DZIP1L: variants seen among roughly 807,000 people sequenced by gnomAD.
DZIP1L encodes cilium assembly protein DZIP1L.
In DZIP1L, 90 loss-of-function variants were observed where a neutral mutation model predicts 88.7. That is an observed-to-expected ratio of 1.02 (90% confidence interval 0.86 to 1.21). The LOEUF is 1.21. DZIP1L is among the 50% of genes most tolerant of loss of function. The pLI is 0.00. For synonymous variants in DZIP1L, 363 were observed against 372.1 expected (o/e 0.98, Z 0.28); for missense variants, 932 against 955.8 (o/e 0.98, Z 0.33).
chr3:138,071,842 G>A lies in DZIP1L; in HGVS notation c.1423-7C>T, dbSNP rs1943195414. 8 of 1,608,578 alleles carry A rather than the reference G, an allele frequency of 5.0e-6. No individual in the cohort carries two copies. Among genetic ancestry groups the A allele is most frequent in the South Asian group, 2.2e-5 (2 of 90,508 alleles). On this transcript the variant is annotated splice_region_variant and splice_polypyrimidine_tract_variant and intron_variant, in intron 11 of 15. Transcript: ENST00000327532. ...TCGAGATTCCCTTTGCATCCTAGAG[G>A]AGACAGGAGTTCACCTTTACAGAGA...
chr3:138,108,927 GT>G (rs2042568906), intron 1 of DZIP1L, among the ~76,000 whole-genome samples: 1 of 152,198 alleles, frequency 6.6e-6, no homozygotes, highest in South Asian at 2.1e-4. Flanking sequence ...CTGGGAATTT[GT>G]TAGAAATGCA....
At chr3:138,101,309 T>C (rs2042302504) in intron 2 of DZIP1L, among the ~76,000 whole-genome samples, 1 of 150,674 alleles carries the variant, frequency 6.6e-6, no homozygotes, top group Non-Finnish European at 1.5e-5. Flanking sequence ...GCTGGAGGCA[T>C]GGGCAAGGGG....
intron 8 of DZIP1L, 28 bp downstream of exon 8, chr3:138,084,079 ACCAAGG>A: frequency 1.9e-6 from 3 of 1,608,870 alleles, no homozygotes; most frequent in Non-Finnish European, 2.5e-6. Flanking sequence ...GCCCAGGGAC[ACCAAGG>A]CCTGGCTGAA....
intron 8 of DZIP1L, among the ~76,000 whole-genome samples, chr3:138,082,788 G>A (rs758826564): frequency 2.0e-4 from 31 of 152,212 alleles, no homozygotes; most frequent in Non-Finnish European, 3.8e-4. Flanking sequence ...TTTTGCAGCT[G>A]TAGTTTCCCA....
In DZIP1L at chr3:138,103,687, C is replaced by T. The variant is rs762712113; in HGVS notation, c.285G>A (p.Glu95=). The stretch of plus-strand genomic sequence containing the variant: ...GGCAATCCTGGCAGTGCAGCAGGTA[C>T]TCAATGATGAGCTGCGCCAGGCGCA... ...KVLRLAQLII[E]YLLHCQDCLS... is the part of the protein sequence containing the mutation. Residue 95 remains glutamate (E), a synonymous_variant, in exon 2 of 16, where the codon GAG becomes GAA. Transcript: ENST00000327532. 6 of 1,611,676 alleles carry T rather than the reference C, an allele frequency of 3.7e-6. No homozygotes were observed. The highest frequency in any genetic ancestry group is 1.7e-5 in the Admixed American group (1 of 59,960).
chr3:138,092,344 C>T, intron 5 of DZIP1L, 39 bp downstream of exon 5: 1 of 1,488,192 alleles, frequency 6.7e-7, no homozygotes, highest in Non-Finnish European at 8.9e-7. Flanking sequence ...AAGCAGATTT[C>T]CAACAAAGAA....
chr3:138,101,926 G>T (rs1241320413), intron 2 of DZIP1L: 2 of 1,466,512 alleles, frequency 1.4e-6, no homozygotes, highest in Non-Finnish European at 9.5e-7. Context: ...CTCGGCATCT[G>T]CGATGCCCTC....
At chr3:138,086,072 C>A (rs868329746) in intron 7 of DZIP1L, among the ~76,000 whole-genome samples, 37 of 149,050 alleles carry the variant, frequency 2.5e-4, no homozygotes, top group African/African-American at 8.3e-4. Flanking sequence ...ACACATGGAC[C>A]CAGGAAGGGG....
chr3:138,104,001 G>A lies in DZIP1L; in HGVS notation c.-30C>T. ...AGAGGAAGCCCTGAGCTGACCACCA[G>A]AGGAGGGGGGCACCAAGGCCACGGC... is the stretch of plus-strand genomic sequence containing the variant. On this transcript the variant is annotated 5_prime_UTR_variant, in exon 2 of 16. Transcript: ENST00000327532. The A allele has an allele frequency of 6.3e-7, 1 of 1,583,624 alleles. No individual in the cohort carries two copies. The highest frequency in any genetic ancestry group is 2.2e-5 in the East Asian group (1 of 44,704).
chr3:138,089,618 A>G (rs996432), intron 5 of DZIP1L, among the ~76,000 whole-genome samples: 96,490 of 152,060 alleles, frequency 0.63, 31,307 homozygotes, highest in Non-Finnish European at 0.7. Flanking sequence ...GAAAATGGAC[A>G]TCTTACAGTG....
At chr3:138,084,289 T>G (rs774071212) in intron 7 of DZIP1L, 36 bp from the exon 8 acceptor site, 2 of 1,604,352 alleles carry the variant, frequency 1.2e-6, no homozygotes, top group African/African-American at 1.3e-5. Context: ...GTCAAATGTC[T>G]GCAGGGACAT....
intron 1 of DZIP1L, among the ~76,000 whole-genome samples, chr3:138,107,486 A>G (rs960296058): frequency 1.3e-5 from 2 of 152,190 alleles, no homozygotes; most frequent in African/African-American, 4.8e-5. Context: ...TGTGAGAAAT[A>G]CATTTCTTTT....
rs192235871 is a variant in DZIP1L at position 138,085,487 on chromosome 3, C to A, written c.1063-1234G>T. On this transcript the variant is annotated intron_variant, in intron 7 of 15. Transcript: ENST00000327532. ...TTCTCAAAAGAAGACATTTATGCAA[C>A]CAACAGACACATGAAAAAATGCTCA... Among the ~76,000 whole-genome samples, 90 of 152,286 alleles carry A rather than the reference C, an allele frequency of 5.9e-4. 1 individual carries two copies. The Middle Eastern group carries it at 0.01, about 17-fold the overall frequency.
chr3:138,067,330 T>C (rs1279228140), intron 14 of DZIP1L, among the ~76,000 whole-genome samples: 1 of 152,226 alleles, frequency 6.6e-6, no homozygotes, highest in Non-Finnish European at 1.5e-5. Context: ...AAACTCTAGC[T>C]TTCTCCTGAT....
At chr3:138,084,339 A>G in intron 7 of DZIP1L, 86 bp from the exon 8 acceptor site, 1 of 1,507,112 alleles carries the variant, frequency 6.6e-7, no homozygotes, top group Non-Finnish European at 8.9e-7. Context: ...CCTGTAGGCA[A>G]GTGCCAGGCA....
chr3:138,090,954 G>A (rs1401168215), intron 5 of DZIP1L, among the ~76,000 whole-genome samples: 1 of 150,974 alleles, frequency 6.6e-6, no homozygotes, highest in African/African-American at 2.4e-5. Flanking sequence ...CGTGATCTCA[G>A]TTCACTGCAA....
chr3:138,094,158 C>T (rs1008987485), intron 4 of DZIP1L, among the ~76,000 whole-genome samples: 1 of 152,168 alleles, frequency 6.6e-6, no homozygotes, highest in Non-Finnish European at 1.5e-5. Flanking sequence ...CATCAAAGAT[C>T]ATTGATCACA....
intron 1 of DZIP1L, among the ~76,000 whole-genome samples, chr3:138,106,726 G>T (rs985667093): frequency 5.9e-5 from 9 of 152,076 alleles, no homozygotes; most frequent in Non-Finnish European, 1.0e-4. Flanking sequence ...CAGCTACTCG[G>T]GAGGCTGAGG....
rs771502185 is a variant in DZIP1L, at chr3:138,103,964, G to T, written c.8C>A (p.Ser3Tyr). 53 of 1,610,402 alleles carry T rather than the reference G, an allele frequency of 3.3e-5. No homozygotes were observed. Among genetic ancestry groups the T allele is most frequent in the Non-Finnish European group, 4.4e-5 (52 of 1,179,394 alleles). ...GAGGCCCTCAGCAGTGGCAGCTGGG[G>T]ACTGCATGGGCAGAGGAAGCCCTGA... MQ[S>Y]PAATAEGLSG... Residue 3 changes from serine (S) to tyrosine (Y), a missense_variant, in exon 2 of 16, where the codon TCC (serine) becomes TAC (tyrosine). Transcript: ENST00000327532.
Sources: gnomAD v4.1 joint callset for allele counts (sites outside exome capture counted in the v4.1 genomes callset) on GRCh38, gnomAD v4.1.1 for gene constraint, MANE v1.5 for transcripts, NCBI Gene and HGNC (gene_info 2026-07-23, HGNC 2026-07-21) for gene names.